The following ST8SIA6 variants were observed in gnomAD, a reference collection of about 807,000 sequenced individuals.
The protein encoded by ST8SIA6 is ST8 alpha-N-acetyl-neuraminide alpha-2,8-sialyltransferase 6.
Under a neutral mutation model 33.6 loss-of-function variants are expected in ST8SIA6, and 39 were observed. That is an observed-to-expected ratio of 1.16 (90% CI 0.90 to 1.52). The LOEUF (loss-of-function observed/expected upper bound fraction) is 1.52, where lower values mean the gene tolerates loss of function less well. Ranked by LOEUF, ST8SIA6 falls within the 40% of genes most tolerant of loss-of-function variation. The pLI, the probability that ST8SIA6 is intolerant of heterozygous loss-of-function variation, is 0.00. For missense variants in ST8SIA6, 441 were observed against 443.8 expected (o/e 0.99, Z 0.06); for synonymous variants, 172 against 167.2 (o/e 1.03, Z -0.22).
At chr10:17,327,492 C>T (rs556396921) in intron 5 of ST8SIA6, among the ~76,000 whole-genome samples, 3 of 152,126 alleles carry the variant, frequency 2.0e-5, no homozygotes, top group African/African-American at 4.8e-5. Flanking sequence ...GAGGCTGAGG[C>T]GGAGAATTGC....
At chr10:17,426,510 A>G (rs1212529384) in intron 2 of ST8SIA6, among the ~76,000 whole-genome samples, 1 of 152,204 alleles carries the variant, frequency 6.6e-6, no homozygotes, top group Non-Finnish European at 1.5e-5. Context: ...TTAAAAGCCA[A>G]CACTTGTCAG....
intron 3 of ST8SIA6, among the ~76,000 whole-genome samples, chr10:17,379,968 C>A (rs1242501704): frequency 6.6e-6 from 1 of 152,200 alleles, no homozygotes; most frequent in Non-Finnish European, 1.5e-5. Context: ...CCAGCATGAG[C>A]TAACTTTATA....
chr10:17,362,701 C>T (rs1307431981), intron 3 of ST8SIA6, among the ~76,000 whole-genome samples: 1 of 152,032 alleles, frequency 6.6e-6, no homozygotes, highest in Non-Finnish European at 1.5e-5. Context: ...TTTCATTAAC[C>T]TAGGAAATGC....
At chr10:17,350,700 AT>A (rs1225104873) in intron 4 of ST8SIA6, among the ~76,000 whole-genome samples, 1 of 151,334 alleles carries the variant, frequency 6.6e-6, no homozygotes, top group Non-Finnish European at 1.5e-5. Context: ...AGAGTTGTCT[AT>A]TGAACTAGCC....
chr10:17,424,917 T>C (rs1021138452), intron 2 of ST8SIA6, among the ~76,000 whole-genome samples: 4 of 152,042 alleles, frequency 2.6e-5, no homozygotes, highest in Admixed American at 2.0e-4. Context: ...TATTTTTTAG[T>C]AGAGACGGGG....
At chr10:17,329,463 A>G (rs1486751679) in intron 5 of ST8SIA6, among the ~76,000 whole-genome samples, 1 of 152,202 alleles carries the variant, frequency 6.6e-6, no homozygotes, top group Non-Finnish European at 1.5e-5. Flanking sequence ...TGGCTAGCAG[A>G]GTGACTGGCT....
At chr10:17,417,645 C>T (rs1343749903) in intron 2 of ST8SIA6, among the ~76,000 whole-genome samples, 2 of 152,072 alleles carry the variant, frequency 1.3e-5, no homozygotes, top group Non-Finnish European at 1.5e-5. Flanking sequence ...AATGAATGTT[C>T]ACTGAAAGAA....
chr10:17,395,965 C>T (rs1850791088), intron 2 of ST8SIA6, among the ~76,000 whole-genome samples: 1 of 152,068 alleles, frequency 6.6e-6, no homozygotes, highest in African/African-American at 2.4e-5. Context: ...GTTGAGAGCG[C>T]CCCCAAAGAG....
Position 17,320,793 on chromosome 10 carries a change from T to G in ST8SIA6, c.*85A>C. ...TTTTGGGGCTCATCTCAAAATACTCTTTAGCCACCTCCTTTGGTGTTTGGA... is the reference window on the plus strand; with the variant it reads ...TTTTGGGGCTCATCTCAAAATACTCGTTAGCCACCTCCTTTGGTGTTTGGA... On this transcript the variant is annotated 3_prime_UTR_variant, in exon 8 of 8. Coordinates refer to ENST00000377602, the MANE Select transcript of ST8SIA6 (RefSeq NM_001004470.3). 2 of 1,448,968 alleles carry G rather than the reference T, an allele frequency of 1.4e-6. No individual in the cohort carries two copies. Among genetic ancestry groups the G allele is most frequent in the Non-Finnish European group, 1.9e-6 (2 of 1,058,398 alleles). 89.8% of individuals were successfully genotyped at this position (1,448,968 alleles called of 1,614,324 possible).
At chr10:17,338,898 G>A (rs1048550124) in intron 4 of ST8SIA6, among the ~76,000 whole-genome samples, 2 of 152,132 alleles carry the variant, frequency 1.3e-5, no homozygotes, top group South Asian at 2.1e-4. Context: ...GTACTGCACC[G>A]AGTTCTAGAA....
chr10:17,387,459 G>C (rs1027216810), intron 3 of ST8SIA6, among the ~76,000 whole-genome samples: 2 of 136,478 alleles, frequency 1.5e-5, no homozygotes, highest in Non-Finnish European at 3.2e-5. Flanking sequence ...GGGGGGGGGG[G>C]GTTCTCCATG....
intron 3 of ST8SIA6, among the ~76,000 whole-genome samples, chr10:17,379,152 C>T (rs796991964): frequency 6.7e-6 from 1 of 150,086 alleles, no homozygotes; most frequent in South Asian, 2.1e-4. Flanking sequence ...ACAAAAAAAA[C>T]CGAAGGGACT....
chr10:17,418,047 G>C (rs143281882), intron 2 of ST8SIA6, among the ~76,000 whole-genome samples: 37 of 152,236 alleles, frequency 2.4e-4, no homozygotes, highest in Non-Finnish European at 4.7e-4. Context: ...ACTGAGAAGA[G>C]TAAATGGGAT....
Position 17,359,607 on chromosome 10 carries a change from A to C in ST8SIA6, c.291-7T>G. The C allele has an allele frequency of 6.4e-7, 1 of 1,557,774 alleles. No homozygotes were observed. Among genetic ancestry groups the C allele is most frequent in the Non-Finnish European group, 8.8e-7 (1 of 1,139,442 alleles). ...GTAGTCGTTCTCTGAATACCTAAAA[A>C]TTAAATGTCAATATAATTAGAAAAT... is the stretch of plus-strand genomic sequence containing the variant. On this transcript the variant is annotated splice_polypyrimidine_tract_variant and splice_region_variant and intron_variant, in intron 3 of 7. Transcript: ENST00000377602.
Position 17,439,779 on chromosome 10 carries a change from T to A in ST8SIA6, c.200+13780A>T, listed in dbSNP as rs561177592. On this transcript the variant is annotated intron_variant, in intron 2 of 7. Transcript: ENST00000377602. ...TTTAGAGACTCCCAGGCCAACGGCATGTGAAGAAGAGGAATCACTACAAGG... is the reference window on the plus strand; with the variant it reads ...TTTAGAGACTCCCAGGCCAACGGCAAGTGAAGAAGAGGAATCACTACAAGG... 1.1e-4 allele frequency among the ~76,000 whole-genome samples: 17 copies of A among 152,332 alleles called. No homozygotes were observed. In the South Asian group the frequency reaches 3.5e-3, roughly 32 times the overall value.
At chr10:17,387,622 C>T (rs1850430615) in intron 3 of ST8SIA6, among the ~76,000 whole-genome samples, 1 of 152,164 alleles carries the variant, frequency 6.6e-6, no homozygotes, top group African/African-American at 2.4e-5. Flanking sequence ...AGCTAACATA[C>T]AGGACTGGAC....
chr10:17,453,985 C>T (rs1853022083), intron 1 of ST8SIA6, among the ~76,000 whole-genome samples, 170 bp downstream of exon 1: 2 of 152,078 alleles, frequency 1.3e-5, no homozygotes, highest in Admixed American at 6.5e-5. Flanking sequence ...AGGGTCGCCT[C>T]CCTGCGACCC....
chr10:17,333,711 A>ATTTTTTT, intron 4 of ST8SIA6, among the ~76,000 whole-genome samples: 1 of 24,368 alleles, frequency 4.1e-5, no homozygotes, highest in Non-Finnish European at 6.5e-5. Flanking sequence ...ATATATATAT[A>ATTTTTTT]TATATATTTT....
At chr10:17,451,667 T>A (rs1447783361) in intron 2 of ST8SIA6, among the ~76,000 whole-genome samples, 1 of 152,212 alleles carries the variant, frequency 6.6e-6, no homozygotes, top group Non-Finnish European at 1.5e-5. Flanking sequence ...CCTACCAGCA[T>A]TATTACCATG....
Sources: gnomAD v4.1 joint callset for allele counts (sites outside exome capture counted in the v4.1 genomes callset) on GRCh38, gnomAD v4.1.1 for gene constraint, MANE v1.5 for transcripts, NCBI Gene and HGNC (gene_info 2026-07-23, HGNC 2026-07-21) for gene names.